NCAM2: variants seen among roughly 807,000 people sequenced by gnomAD.
The protein encoded by NCAM2 is N-CAM-2.
A neutral mutation model predicts 98.1 loss-of-function variants in NCAM2; 30 were observed. The observed-to-expected ratio is 0.31, with a 90% CI of 0.23 to 0.41. The LOEUF is 0.41. NCAM2 is among the 10% of genes least tolerant of loss of function. The pLI, the probability that NCAM2 is intolerant of heterozygous loss-of-function variation, is 1.00. For missense variants in NCAM2, 867 were observed against 1,005.8 expected (o/e 0.86, Z 1.87); for synonymous variants, 368 against 342.4 (o/e 1.07, Z -0.83).
At chr21:21,002,320 C>A (rs182900987) in intron 1 of NCAM2, among the ~76,000 whole-genome samples, 1 of 152,198 alleles carries the variant, frequency 6.6e-6, no homozygotes, top group Admixed American at 6.5e-5. Context: ...AGCTAATTTT[C>A]TCCCCGAGGT....
At chr21:21,513,117 C>A (rs180933224) in intron 16 of NCAM2, among the ~76,000 whole-genome samples, 1 of 151,990 alleles carries the variant, frequency 6.6e-6, no homozygotes, top group African/African-American at 2.4e-5. Context: ...TCCAGTACTA[C>A]GTTAATACCA....
intron 1 of NCAM2, among the ~76,000 whole-genome samples, chr21:21,239,777 C>T (rs2070992392): frequency 6.6e-6 from 1 of 151,874 alleles, no homozygotes; most frequent in Admixed American, 6.6e-5. Context: ...AAGTAAAATT[C>T]CCTAATATAT....
intron 12 of NCAM2, among the ~76,000 whole-genome samples, chr21:21,452,658 TTA>T (rs1262371085): frequency 1.3e-4 from 14 of 111,568 alleles, no homozygotes; most frequent in South Asian, 2.4e-4. Context: ...AATATATATA[TTA>T]TATATATTTA....
chr21:21,488,438 T>C (rs1986576853), intron 15 of NCAM2, among the ~76,000 whole-genome samples: 1 of 151,968 alleles, frequency 6.6e-6, no homozygotes, highest in African/African-American at 2.4e-5. Flanking sequence ...CAAGAAAGAA[T>C]TAAACCATGA....
At chr21:21,029,783 G>A (rs552871427) in intron 1 of NCAM2, among the ~76,000 whole-genome samples, 4 of 151,454 alleles carry the variant, frequency 2.6e-5, no homozygotes, top group East Asian at 2.0e-4. Context: ...AGTGCACACC[G>A]CCATGCCCAG....
At chr21:21,338,584 A>G (rs750057507) in intron 8 of NCAM2, 50 bp downstream of exon 8, 1 of 1,462,596 alleles carries the variant, frequency 6.8e-7, no homozygotes, top group Non-Finnish European at 9.1e-7. Context: ...CAATTTCAGT[A>G]TTTTCAATAT....
intron 16 of NCAM2, 91 bp from the exon 17 acceptor site, chr21:21,534,446 G>A: frequency 2.8e-6 from 3 of 1,076,568 alleles, no homozygotes; most frequent in Admixed American, 6.0e-5. Context: ...TTTGGAGGAA[G>A]GTAGAATTGG....
At chr21:21,344,552 G>T (rs993086679) in intron 8 of NCAM2, among the ~76,000 whole-genome samples, 12 of 152,124 alleles carry the variant, frequency 7.9e-5, no homozygotes, top group African/African-American at 2.4e-4. Context: ...CTTTGGAAAT[G>T]GGAGGGAAGA....
chr21:21,331,387 C>T (rs1243029311), intron 6 of NCAM2, among the ~76,000 whole-genome samples: 2 of 149,010 alleles, frequency 1.3e-5, no homozygotes, highest in African/African-American at 5.0e-5. Flanking sequence ...ATCCTCCTGC[C>T]TTGGCCTCCC....
intron 16 of NCAM2, among the ~76,000 whole-genome samples, chr21:21,520,318 A>G (rs1345763926): frequency 4.6e-5 from 7 of 152,152 alleles, no homozygotes; most frequent in Non-Finnish European, 2.9e-5. Flanking sequence ...AATGTTATGT[A>G]AAATAAATAA....
At chr21:21,280,008 A>G (rs1328524579) in intron 1 of NCAM2, among the ~76,000 whole-genome samples, 2 of 152,242 alleles carry the variant, frequency 1.3e-5, no homozygotes, top group East Asian at 3.8e-4. Context: ...TATTTAAAAT[A>G]TCAGGCATCT....
intron 1 of NCAM2, among the ~76,000 whole-genome samples, chr21:21,051,850 T>C (rs8134166): frequency 0.88 from 133,951 of 152,128 alleles, 59,557 homozygotes; most frequent in Middle Eastern, 0.96. Flanking sequence ...TCTCTGTAAC[T>C]GATATTTCTG....
At chr21:21,280,234 A>G (rs1339004443) in intron 1 of NCAM2, among the ~76,000 whole-genome samples, 1 of 152,080 alleles carries the variant, frequency 6.6e-6, no homozygotes, top group Non-Finnish European at 1.5e-5. Flanking sequence ...TGTTGGGCAA[A>G]CATCTTTTTT....
At position 21,251,742 on chromosome 21, in the gene NCAM2, A is replaced by ATG. The variant is rs2071478953; in HGVS notation, c.56-28834_56-28833dup. On this transcript the variant is annotated intron_variant, in intron 1 of 17. Coordinates refer to ENST00000400546, the MANE Select transcript of NCAM2 (RefSeq NM_004540.5). Reference sequence around the variant, plus strand: ...TTGAATATCCTTTACCCACTTTTTGATGTTTTTTTTTTTTTCTTGTAAATT... The same window carrying ATG: ...TTGAATATCCTTTACCCACTTTTTGATGTGTTTTTTTTTTTTTCTTGTAAATT... 1.5e-4 allele frequency among the ~76,000 whole-genome samples: 4 copies of ATG among 26,466 alleles called. No homozygotes were observed. The East Asian group carries it at 2.0e-3, about 13-fold the overall frequency. 17.4% of individuals were successfully genotyped at this position (26,466 alleles called of 152,430 possible). A position where few individuals can be genotyped will look rare whatever the true frequency, so the allele number is the denominator to read the frequency against.
intron 9 of NCAM2, among the ~76,000 whole-genome samples, chr21:21,381,416 A>G (rs186816787): frequency 5.9e-5 from 9 of 151,854 alleles, no homozygotes; most frequent in Admixed American, 1.3e-4. Context: ...TTCACATTCT[A>G]TGCCCATTTT....
At chr21:21,476,530 C>T (rs1469254381) in intron 14 of NCAM2, among the ~76,000 whole-genome samples, 4 of 151,936 alleles carry the variant, frequency 2.6e-5, no homozygotes, top group Non-Finnish European at 5.9e-5. Flanking sequence ...CCAATAATCA[C>T]ACTGTTTTAG....
Position 21,500,518 on chromosome 21 carries a change from G to A in NCAM2, c.2078-8333G>A, listed in dbSNP as rs541159217. ...AAATTCAGTGAATTTTATAACTTGCGTAAATCAAAATTTTCATTTTCCTTT... is the reference window on the plus strand; with the variant it reads ...AAATTCAGTGAATTTTATAACTTGCATAAATCAAAATTTTCATTTTCCTTT... On this transcript the variant is annotated intron_variant, in intron 15 of 17. Coordinates refer to ENST00000400546, the MANE Select transcript of NCAM2 (RefSeq NM_004540.5). Among the ~76,000 whole-genome samples, 209 of 139,620 alleles carry A rather than the reference G, an allele frequency of 1.5e-3. 1 individual carries two copies. Among genetic ancestry groups the A allele is most frequent in the Admixed American group, 2.4e-3 (33 of 13,642 alleles). 91.6% of individuals were successfully genotyped at this position (139,620 alleles called of 152,430 possible).
intron 1 of NCAM2, among the ~76,000 whole-genome samples, chr21:21,214,848 G>T (rs887835991): frequency 6.7e-6 from 1 of 148,770 alleles, no homozygotes; most frequent in African/African-American, 2.5e-5. Context: ...ATATATGGTT[G>T]AACAGAATTA....
Position 21,440,044 on chromosome 21 carries a change from A to G in NCAM2, c.1654+7763A>G, listed in dbSNP as rs553473225. Reference sequence around the variant, plus strand: ...AGTCATAAAGTTCTGCGTTAGGGCTAAAGTTATGGTAGAATTTCTCTTAGT... The same window carrying G: ...AGTCATAAAGTTCTGCGTTAGGGCTGAAGTTATGGTAGAATTTCTCTTAGT... On this transcript the variant is annotated intron_variant, in intron 12 of 17. Transcript: ENST00000400546. Among the ~76,000 whole-genome samples the G allele has an allele frequency of 3.7e-4, 56 of 152,348 alleles. No homozygotes were observed. The South Asian group carries it at 0.012, about 32-fold the overall frequency.
Sources: allele counts gnomAD v4.1 joint callset (sites outside exome capture counted in the v4.1 genomes callset), GRCh38; gene constraint gnomAD v4.1.1; transcripts MANE v1.5; gene names NCBI Gene and HGNC (gene_info 2026-07-23, HGNC 2026-07-21).